Variants in SORCS2 observed in about 807,000 individuals in gnomAD.
SORCS2 encodes the protein VPS10 domain-containing receptor SorCS2.
Under a neutral mutation model 141.6 loss-of-function variants are expected in SORCS2, and 100 were observed. That is an observed-to-expected ratio of 0.71 (90% confidence interval 0.60 to 0.83). The LOEUF is 0.83. Ranked by LOEUF, SORCS2 falls within the 40% of genes least tolerant of loss-of-function variation. SORCS2 has a pLI of 0.00. For synonymous variants in SORCS2, 789 were observed against 676.9 expected (o/e 1.17, Z -2.57); for missense variants, 1,646 against 1,560.2 (o/e 1.05, Z -0.93).
In SORCS2 at chr4:7,734,915, C is replaced by A. The variant is rs922234746; in HGVS notation, c.3311+541C>A. 2.0e-5 allele frequency among the ~76,000 whole-genome samples: 3 copies of A among 152,282 alleles called. No homozygotes were observed. The South Asian group carries it at 6.2e-4, about 32-fold the overall frequency. On this transcript the variant is annotated intron_variant, in intron 25 of 26. Coordinates refer to ENST00000507866, the MANE Select transcript of SORCS2 (RefSeq NM_020777.3). The stretch of plus-strand genomic sequence containing the variant: ...GTCCCCGTGAGGGAGCTGCTTGTGC[C>A]GAGGCTGGGGTGAGGTGGCAAGAAC...
chr4:7,640,550 C>T (rs1384087407), intron 4 of SORCS2, among the ~76,000 whole-genome samples: 2 of 150,130 alleles, frequency 1.3e-5, no homozygotes, highest in Non-Finnish European at 1.5e-5. Flanking sequence ...GTGTAGATCT[C>T]CCTCTGCGCC....
intron 2 of SORCS2, among the ~76,000 whole-genome samples, chr4:7,426,882 A>G (rs935561456): frequency 3.9e-5 from 6 of 152,150 alleles, no homozygotes; most frequent in South Asian, 4.1e-4. Flanking sequence ...TGCTCCGGCA[A>G]TGCCCAGTTG....
intron 1 of SORCS2, among the ~76,000 whole-genome samples, chr4:7,381,060 T>A (rs200107151): frequency 1.2e-4 from 16 of 130,250 alleles, no homozygotes; most frequent in African/African-American, 4.4e-4. Flanking sequence ...CCAGCCTGGG[T>A]GATAGAGCAA....
intron 2 of SORCS2, among the ~76,000 whole-genome samples, chr4:7,477,100 A>G (rs35723054): frequency 0.13 from 19,180 of 152,166 alleles, 1,568 homozygotes; most frequent in South Asian, 0.25. Flanking sequence ...GAAACAGCCC[A>G]CAGGGTTCCA....
At chr4:7,585,048 C>G (rs1402270132) in intron 3 of SORCS2, among the ~76,000 whole-genome samples, 1 of 152,192 alleles carries the variant, frequency 6.6e-6, no homozygotes, top group Middle Eastern at 3.2e-3. Flanking sequence ...GCCGTTCTGT[C>G]TGACATGTCA....
rs570410884 is a variant in SORCS2, at chr4:7,731,369, A to G, written c.3108+1657A>G. On this transcript the variant is annotated intron_variant, in intron 23 of 26. Coordinates refer to ENST00000507866, the MANE Select transcript of SORCS2 (RefSeq NM_020777.3). ...GTGTTCCTGGATTAGAAGAATTTAT[A>G]TTATTAAGATGTCCATACTACCTAA... 9.2e-5 allele frequency among the ~76,000 whole-genome samples: 14 copies of G among 152,358 alleles called. No individual in the cohort carries two copies. The East Asian group carries it at 2.7e-3, about 29-fold the overall frequency.
At chr4:7,639,496 G>A (rs570066422) in intron 4 of SORCS2, among the ~76,000 whole-genome samples, 1 of 150,814 alleles carries the variant, frequency 6.6e-6, no homozygotes, top group South Asian at 2.1e-4. Flanking sequence ...ATGTGTGTGG[G>A]GGTGGGTGTG....
At chr4:7,737,396 A>G (rs1320839447) in intron 26 of SORCS2, among the ~76,000 whole-genome samples, 1 of 152,024 alleles carries the variant, frequency 6.6e-6, no homozygotes, top group Non-Finnish European at 1.5e-5. Context: ...AATCTGAGAC[A>G]TGTGGACGCT....
At position 7,671,517 on chromosome 4, in the gene SORCS2, A is replaced by C. The variant is rs551128265; in HGVS notation, c.1161+4304A>C. Among the ~76,000 whole-genome samples, 3 of 152,280 alleles carry C rather than the reference A, an allele frequency of 2.0e-5. No individual in the cohort carries two copies. In the East Asian group the frequency reaches 5.8e-4, roughly 29 times the overall value. The stretch of plus-strand genomic sequence containing the variant: ...GGAAATAGCAATAAAGAGATAGAAA[A>C]AATAAAAAGGAACCAAAAGAAATTC... On this transcript the variant is annotated intron_variant, in intron 8 of 26. Transcript: ENST00000507866.
At chr4:7,207,399 C>T (rs1004671007) in intron 1 of SORCS2, among the ~76,000 whole-genome samples, 26 of 152,214 alleles carry the variant, frequency 1.7e-4, no homozygotes, top group African/African-American at 5.8e-4. Context: ...TCTGCGTTCA[C>T]CCAGCGCCTG....
intron 9 of SORCS2, among the ~76,000 whole-genome samples, chr4:7,677,363 C>A (rs765955204): frequency 1.1e-4 from 16 of 152,230 alleles, no homozygotes; most frequent in Non-Finnish European, 1.6e-4. Flanking sequence ...CCATGGCCAG[C>A]GAGGGGGGCT....
chr4:7,720,956 C>T (rs532148883), intron 18 of SORCS2, among the ~76,000 whole-genome samples: 3 of 152,308 alleles, frequency 2.0e-5, no homozygotes, highest in South Asian at 2.1e-4. Context: ...CAACATGCAA[C>T]GACCAGAGGA....
chr4:7,650,644 C>T (rs1405450914), intron 4 of SORCS2, among the ~76,000 whole-genome samples: 1 of 152,088 alleles, frequency 6.6e-6, no homozygotes, highest in East Asian at 1.9e-4. Context: ...GAAACTGACT[C>T]AGAGGCCATG....
chr4:7,497,674 T>G (rs1731711776), intron 2 of SORCS2, among the ~76,000 whole-genome samples: 1 of 152,250 alleles, frequency 6.6e-6, no homozygotes, highest in Non-Finnish European at 1.5e-5. Flanking sequence ...TTCACTCGCT[T>G]CATCTCCACA....
At chr4:7,716,346 A>C (rs542511921) in intron 17 of SORCS2, among the ~76,000 whole-genome samples, 1 of 152,034 alleles carries the variant, frequency 6.6e-6, no homozygotes, top group East Asian at 1.9e-4. Context: ...TCACTCGTTC[A>C]TCTCCCATCT....
intron 3 of SORCS2, among the ~76,000 whole-genome samples, chr4:7,612,260 T>C (rs9993522): frequency 0.16 from 24,460 of 151,372 alleles, 2,034 homozygotes; most frequent in Middle Eastern, 0.25. Flanking sequence ...TTTTGGGAGG[T>C]CACAGGGGTG....
At chr4:7,395,247 G>A (rs994243654) in intron 1 of SORCS2, among the ~76,000 whole-genome samples, 1 of 152,204 alleles carries the variant, frequency 6.6e-6, no homozygotes, top group African/African-American at 2.4e-5. Context: ...CTGTGGAAAC[G>A]GCACCTTAGG....
intron 1 of SORCS2, among the ~76,000 whole-genome samples, chr4:7,353,859 A>C (rs1721096476): frequency 6.6e-6 from 1 of 152,198 alleles, no homozygotes; most frequent in Non-Finnish European, 1.5e-5. Flanking sequence ...AGGGAAGCTC[A>C]GCACCGGTGA....
intron 1 of SORCS2, among the ~76,000 whole-genome samples, chr4:7,385,408 C>G (rs1479603010): frequency 6.6e-6 from 1 of 152,218 alleles, no homozygotes; most frequent in East Asian, 1.9e-4. Context: ...ATGGGCCAGC[C>G]CAGCCAGCAC....
Sources: allele counts gnomAD v4.1 joint callset (sites outside exome capture counted in the v4.1 genomes callset), GRCh38; gene constraint gnomAD v4.1.1; transcripts MANE v1.5; gene names NCBI Gene and HGNC (gene_info 2026-07-23, HGNC 2026-07-21).